The following FREM3 variants were observed in gnomAD, a reference collection of about 807,000 sequenced individuals.
FREM3 encodes FRAS1 related extracellular matrix 3, also known as FRAS1-related extracellular matrix protein 3.
Under a neutral mutation model 129.1 loss-of-function variants are expected in FREM3, and 105 were observed. The observed-to-expected ratio is 0.81, with a 90% CI of 0.69 to 0.96. The LOEUF is 0.96. Among genes scored for constraint, FREM3 ranks in the 40% least tolerant of loss-of-function variants. The pLI is 0.00. For missense variants in FREM3, 2,593 were observed against 2,666.3 expected, an observed-to-expected ratio of 0.97 and a Z score of 0.61; for synonymous variants, 1,014 against 1,044.9, an observed-to-expected ratio of 0.97 and a Z score of 0.57.
chr4:143,606,163 C>T (rs371309096), intron 6 of FREM3, among the ~76,000 whole-genome samples: 174 of 152,224 alleles, frequency 1.1e-3, no homozygotes, highest in African/African-American at 3.9e-3. Flanking sequence ...TAGAATGAGA[C>T]GATGCTACAG....
intron 2 of FREM3, among the ~76,000 whole-genome samples, chr4:143,675,446 C>T (rs1469192182): frequency 6.6e-6 from 1 of 152,022 alleles, no homozygotes; most frequent in Non-Finnish European, 1.5e-5. Context: ...CAGGAAAGAT[C>T]TAAAATTGAC....
rs775171406 is a variant in FREM3 at position 143,585,876 on chromosome 4, C to T, written c.6146G>A (p.Arg2049His). ...DLSQPSSIAV[R>H]SRKSEQESAE... is the part of the protein sequence containing the mutation. ...TGACTCCTGCTCTGACTTTCTGGAG[C>T]GCACGGCGATGGATGATGGTTGGGA... The change falls in exon 7 of 8, where the codon CGC becomes CAC. Residue 2049 changes from arginine (R) to histidine (H), a missense_variant. This residue lies in a region of FREM3 where 317 missense variants were observed against 399.0 expected (regional missense o/e 0.79). Coordinates refer to ENST00000329798, the MANE Select transcript of FREM3 (RefSeq NM_001168235.2). This position sits in a 1 kb window ranked among gnomAD's most constrained non-coding sequence, Gnocchi z 4.2. The T allele has an allele frequency of 4.8e-5, 74 of 1,537,174 alleles. No homozygotes were observed. The highest frequency in any genetic ancestry group is 2.0e-4 in the East Asian group (8 of 40,934).
intron 1 of FREM3, 143 bp downstream of exon 1, chr4:143,695,348 G>T: frequency 3.0e-6 from 2 of 667,566 alleles, no homozygotes; most frequent in Non-Finnish European, 2.3e-6. Context: ...TTTGTTTTTG[G>T]AATAGTTTCA....
chr4:143,698,712 A>G lies in FREM3; in HGVS notation c.1964T>C (p.Leu655Pro), dbSNP rs964306007. 1 of 1,537,246 alleles carries G rather than the reference A, an allele frequency of 6.5e-7. No individual in the cohort carries two copies. Among genetic ancestry groups the G allele is most frequent in the Admixed American group, 2.0e-5 (1 of 50,986 alleles). Residue 655 changes from leucine (L) to proline (P), a missense_variant, in exon 1 of 8, where the codon CTC (leucine) becomes CCC (proline). By Grantham distance (98) the Leu-to-Pro change is moderately conservative. Around this residue, in one of 2 missense-constraint regions of FREM3, gnomAD observed 2,276 missense variants for 2,267.2 expected, o/e 1.00. Coordinates refer to ENST00000329798, the MANE Select transcript of FREM3 (RefSeq NM_001168235.2). ...GTGTGGTCCAAGATGGCGGTAGAAG[A>G]GTCTCCCTTCCATTATGTCTCTCTG... ...WLQRDIMEGR[L>P]FYRHLGPHSP...
chr4:143,656,778 A>G (rs1005696942), intron 2 of FREM3, among the ~76,000 whole-genome samples: 7 of 152,232 alleles, frequency 4.6e-5, no homozygotes, highest in African/African-American at 1.7e-4. Flanking sequence ...AAACCATTCA[A>G]TTGCATACTT....
At chr4:143,589,590 A>G (rs1323747959) in intron 6 of FREM3, among the ~76,000 whole-genome samples, 2 of 152,004 alleles carry the variant, frequency 1.3e-5, no homozygotes, top group African/African-American at 4.8e-5. Flanking sequence ...CTTCTGTTCC[A>G]TTGGTCTATA....
At chr4:143,641,593 A>G (rs758242215) in intron 2 of FREM3, among the ~76,000 whole-genome samples, 3 of 152,208 alleles carry the variant, frequency 2.0e-5, no homozygotes, top group Admixed American at 6.5e-5. Context: ...CATTGCAAAA[A>G]TAGCCAAACC....
At position 143,698,279 on chromosome 4, in the gene FREM3, A is replaced by G; in HGVS notation, c.2397T>C (p.Val799=). The G allele has an allele frequency of 2.6e-6, 4 of 1,537,626 alleles. No homozygotes were observed. The highest frequency in any genetic ancestry group is 3.5e-6 in the Non-Finnish European group (4 of 1,146,998). The change falls in exon 1 of 8, where the codon GTT becomes GTC. Residue 799 remains valine, a synonymous_variant. Transcript: ENST00000329798. The part of the protein sequence containing the change: ...PPQKLGIAPR[V]VQFTYQVEDA... ...CTTCCACCTGGTAAGTAAACTGCAC[A>G]ACCCGTGGTGCAATACCCAATTTCT...
Position 143,695,669 on chromosome 4 carries a change from TG to T in FREM3, c.5006del (p.Pro1669GlnfsTer3). 1.3e-6 allele frequency: 2 copies of T among 1,537,260 alleles called. No homozygotes were observed. Among genetic ancestry groups the T allele is most frequent in the Non-Finnish European group, 1.7e-6 (2 of 1,146,916 alleles). Reference protein sequence around the residue: ...LPQITTNRGAPALKRLHTGHM... With the variant: ...LPQITTNRGAXALKRLHTGHM... ...GTCCAGTGTGAAGGCGCTTCAAGGC[TG>T]GGGCACCCCTGTTGGTAGTAATCTG... On this transcript the variant is annotated frameshift_variant, in exon 1 of 8. Transcript: ENST00000329798. LOFTEE classifies it high-confidence loss of function.
At chr4:143,591,123 C>G (rs1002623000) in intron 6 of FREM3, among the ~76,000 whole-genome samples, 12 of 152,194 alleles carry the variant, frequency 7.9e-5, no homozygotes, top group African/African-American at 2.9e-4. Flanking sequence ...TTTGATTCTT[C>G]TCTCTTTTCT....
intron 2 of FREM3, among the ~76,000 whole-genome samples, chr4:143,637,789 T>C (rs2167165): frequency 6.6e-6 from 1 of 152,174 alleles, no homozygotes; most frequent in Non-Finnish European, 1.5e-5. Flanking sequence ...CTTTTCCTAG[T>C]TGTATTCTCC....
chr4:143,655,151 T>C (rs571217945), intron 2 of FREM3, among the ~76,000 whole-genome samples: 86 of 152,294 alleles, frequency 5.6e-4, no homozygotes, highest in African/African-American at 1.6e-3. Flanking sequence ...GATATCTTCA[T>C]TGTACTGTGC....
chr4:143,590,774 C>A (rs981418307), intron 6 of FREM3, among the ~76,000 whole-genome samples: 8 of 152,060 alleles, frequency 5.3e-5, no homozygotes, highest in Admixed American at 1.3e-4. Flanking sequence ...GGGAGGATTC[C>A]CTCTTTTTCT....
chr4:143,686,767 C>A (rs903194373), intron 2 of FREM3, among the ~76,000 whole-genome samples: 3 of 152,118 alleles, frequency 2.0e-5, no homozygotes, highest in African/African-American at 4.8e-5. Flanking sequence ...TTAAAAAATT[C>A]TTCGAACCGA....
intron 2 of FREM3, among the ~76,000 whole-genome samples, chr4:143,632,816 A>AAG (rs1316287961): frequency 1.3e-5 from 2 of 152,142 alleles, no homozygotes; most frequent in African/African-American, 4.8e-5. Flanking sequence ...GAGCTAAAAA[A>AAG]AAAATCCAAA....
Position 143,698,574 on chromosome 4 carries a change from A to C in FREM3, c.2102T>G (p.Leu701Arg). 3 of 1,537,732 alleles carry C rather than the reference A, an allele frequency of 2.0e-6. No homozygotes were observed. Among genetic ancestry groups the C allele is most frequent in the Non-Finnish European group, 2.6e-6 (3 of 1,146,994 alleles). The change falls in exon 1 of 8, where the codon CTG (leucine) becomes CGG (arginine). Residue 701 changes from leucine (L) to arginine (R), a missense_variant. By Grantham distance (102) the Leu-to-Arg change is moderately radical. Around this residue, in one of 2 missense-constraint regions of FREM3, gnomAD observed 2,276 missense variants for 2,267.2 expected, o/e 1.00. Transcript: ENST00000329798. ...AGTTCCTGGATACAGCTGTGGACTC[A>C]GTATATCCACTGGTTGGACCTTGAT... The part of the protein sequence containing the change: ...FTIKVQPVDI[L>R]SPQLYPGTTL...
chr4:143,687,663 C>A (rs1264930681), intron 2 of FREM3, among the ~76,000 whole-genome samples: 1 of 152,114 alleles, frequency 6.6e-6, no homozygotes, highest in Admixed American at 6.6e-5. Context: ...GATAATCTAC[C>A]ATGATCAAGT....
intron 6 of FREM3, among the ~76,000 whole-genome samples, chr4:143,597,971 T>C (rs72938287): frequency 0.058 from 8,756 of 152,222 alleles, 703 homozygotes; most frequent in African/African-American, 0.18. Flanking sequence ...AGTTCATAGA[T>C]GTTGCCTTCT....
At chr4:143,604,743 A>G (rs1187778508) in intron 6 of FREM3, among the ~76,000 whole-genome samples, 1 of 152,146 alleles carries the variant, frequency 6.6e-6, no homozygotes, top group African/African-American at 2.4e-5. Flanking sequence ...CACACAGATG[A>G]CCATGTATGT....
Sources: allele counts gnomAD v4.1 joint callset (sites outside exome capture counted in the v4.1 genomes callset), GRCh38; gene constraint gnomAD v4.1.1; regional missense constraint gnomAD v4.1.1; non-coding constraint Gnocchi (gnomAD v3.1); transcripts MANE v1.5; gene names NCBI Gene and HGNC (gene_info 2026-07-23, HGNC 2026-07-21).